Variants in FRMD4B observed in about 807,000 individuals in gnomAD.
FRMD4B encodes the protein FERM domain-containing protein 4B.
A neutral mutation model predicts 141.5 loss-of-function variants in FRMD4B; 74 were observed. That is an observed-to-expected ratio of 0.52 (90% CI 0.43 to 0.63). FRMD4B has a LOEUF of 0.63. Among genes scored for constraint, FRMD4B ranks in the 30% least tolerant of loss-of-function variants. The pLI, the probability that FRMD4B is intolerant of heterozygous loss-of-function variation, is 0.00. For missense variants in FRMD4B, 1,366 were observed against 1,253.4 expected (o/e 1.09, Z -1.36); for synonymous variants, 506 against 467.9 (o/e 1.08, Z -1.05).
At chr3:69,247,816 T>A (rs1045406178) in intron 7 of FRMD4B, among the ~76,000 whole-genome samples, 8 of 151,318 alleles carry the variant, frequency 5.3e-5, no homozygotes, top group Non-Finnish European at 1.2e-4. Context: ...ACCCAGCTAA[T>A]TTTTTTGTAT....
In FRMD4B at chr3:69,273,022, T is replaced by C. The variant is rs187124644; in HGVS notation, c.501+14730A>G. Among the ~76,000 whole-genome samples the C allele has an allele frequency of 7.5e-4, 114 of 152,350 alleles. 1 individual carries two copies. Among genetic ancestry groups the C allele is most frequent in the African/African-American group, 2.7e-3 (114 of 41,582 alleles). ...TCATTATTGACTTTTGGGGATTCAT[T>C]TTTCCAATTTTTCTTCCATTCTTTC... On this transcript the variant is annotated intron_variant, in intron 5 of 22. Coordinates refer to ENST00000398540, the MANE Select transcript of FRMD4B (RefSeq NM_015123.3).
chr3:69,494,020 G>C (rs146067438), intron 1 of FRMD4B, among the ~76,000 whole-genome samples: 2 of 152,284 alleles, frequency 1.3e-5, no homozygotes, highest in Non-Finnish European at 1.5e-5. Context: ...GGGACTACAG[G>C]TGTAAGCCAC....
chr3:69,379,341 C>A (rs1249864748), intron 1 of FRMD4B, among the ~76,000 whole-genome samples: 1 of 152,166 alleles, frequency 6.6e-6, no homozygotes, highest in African/African-American at 2.4e-5. Flanking sequence ...TGCGGTGGCA[C>A]AATCTCAGCT....
chr3:69,485,101 T>C (rs1376191961), intron 1 of FRMD4B, among the ~76,000 whole-genome samples: 1 of 151,594 alleles, frequency 6.6e-6, no homozygotes, highest in Non-Finnish European at 1.5e-5. Context: ...CCCCTCAACT[T>C]CCCCTCCCCT....
chr3:69,410,731 ATATATATATATATATAT>A (rs1559519823), intron 2 of FRMD4B, among the ~76,000 whole-genome samples: 1,792 of 81,456 alleles, frequency 0.022, 61 homozygotes, highest in African/African-American at 0.051. Flanking sequence ...AAATAAATAT[ATATATATATATATATAT>A]ATATATATAT....
chr3:69,408,129 C>G (rs1272912169), intron 2 of FRMD4B, among the ~76,000 whole-genome samples: 1 of 152,152 alleles, frequency 6.6e-6, no homozygotes, highest in Non-Finnish European at 1.5e-5. Context: ...AGGCCATGGC[C>G]AACCCCAATC....
chr3:69,389,126 C>CGGGTTCAA (rs1704330420), upstream of FRMD4B, among the ~76,000 whole-genome samples: 1 of 151,556 alleles, frequency 6.6e-6, no homozygotes, highest in African/African-American at 2.4e-5. Context: ...CTCCGCCTCC[C>CGGGTTCAA]GGGTTCAAGT....
Position 69,541,745 on chromosome 3 carries a change from C to G in FRMD4B, c.-129+461G>C, listed in dbSNP as rs924200207. On this transcript the variant is annotated intron_variant, in intron 1 of 5. Coordinates refer to the FRMD4B transcript ENST00000459638. ...ATCTGAAACACCTATTTGAAAAGGG[C>G]AGCCAAACGAAACCCTTAGTGTCCT... 1.6e-4 allele frequency among the ~76,000 whole-genome samples: 25 copies of G among 152,188 alleles called. No homozygotes were observed. The East Asian group carries it at 2.9e-3, about 18-fold the overall frequency.
At position 69,169,320 on chromosome 3, in the gene FRMD4B, C is replaced by G. The variant is rs577829777; in HGVS notation, c.*2541G>C. ...GTTTTTCAAAAGAGACGAAGAAAAC[C>G]GTGCAGTAGGATTGCTGAACTTCCA... On this transcript the variant is annotated 3_prime_UTR_variant, in exon 23 of 23. Coordinates refer to ENST00000398540, the MANE Select transcript of FRMD4B (RefSeq NM_015123.3). Among the ~76,000 whole-genome samples, 1 of 149,192 alleles carries G rather than the reference C, an allele frequency of 6.7e-6. No individual in the cohort carries two copies. Among genetic ancestry groups the G allele is most frequent in the Admixed American group, 6.7e-5 (1 of 14,976 alleles).
chr3:69,469,242 A>C (rs998603781), intron 1 of FRMD4B, among the ~76,000 whole-genome samples: 1 of 152,232 alleles, frequency 6.6e-6, no homozygotes, highest in Non-Finnish European at 1.5e-5. Flanking sequence ...ACATAGCTAC[A>C]GTGGTCATGA....
rs78755279 is a variant in FRMD4B at position 69,198,701 on chromosome 3, C to G, written c.950G>C (p.Arg317Pro). The change falls in exon 12 of 23, where the codon CGA becomes CCA. Residue 317 changes from arginine to proline, a missense_variant. Transcript: ENST00000398540. ...GAGAAACGTCTTTGATCCTCACCTT[C>G]GTGGATCATGAACTTCAACAGCAAA... Reference protein sequence around the residue: ...KKFAVEVHDPRRISVSRRTFG... With the variant: ...KKFAVEVHDPPRISVSRRTFG... 2.7e-6 allele frequency: 4 copies of G among 1,509,428 alleles called. No individual in the cohort carries two copies. The East Asian group carries it at 9.2e-5, about 35-fold the overall frequency. 93.5% of individuals were successfully genotyped at this position (1,509,428 alleles called of 1,614,324 possible). A position where few individuals can be genotyped will look rare whatever the true frequency, so the allele number is the denominator to read the frequency against.
chr3:69,348,649 C>T (rs1218321917), intron 1 of FRMD4B, among the ~76,000 whole-genome samples: 4 of 152,190 alleles, frequency 2.6e-5, no homozygotes, highest in Non-Finnish European at 4.4e-5. Flanking sequence ...ATCAAGTGGG[C>T]TTCATCCCCG....
intron 1 of FRMD4B, among the ~76,000 whole-genome samples, chr3:69,345,258 T>C (rs1702895218): frequency 6.6e-6 from 1 of 152,140 alleles, no homozygotes; most frequent in African/African-American, 2.4e-5. Context: ...CAGTCTGAGA[T>C]CGAACTGCAA....
intron 2 of FRMD4B, among the ~76,000 whole-genome samples, chr3:69,410,494 G>A (rs1021030443): frequency 5.3e-5 from 8 of 151,860 alleles, no homozygotes; most frequent in Non-Finnish European, 1.0e-4. Context: ...GAACGTGTAT[G>A]TAGTTTGCAA....
chr3:69,216,494 T>C (rs1447100465), intron 10 of FRMD4B, 145 bp from the exon 11 acceptor site: 3 of 564,642 alleles, frequency 5.3e-6, no homozygotes, highest in East Asian at 6.2e-5. Context: ...TGCAGTGGCA[T>C]GATCTCGGCT....
At chr3:69,510,987 G>T (rs1361511240) in intron 1 of FRMD4B, among the ~76,000 whole-genome samples, 1 of 152,074 alleles carries the variant, frequency 6.6e-6, no homozygotes, top group African/African-American at 2.4e-5. Flanking sequence ...ATTTACATGT[G>T]GGGTCATTTA....
At chr3:69,535,145 G>T (rs1701065447) in intron 1 of FRMD4B, among the ~76,000 whole-genome samples, 1 of 152,212 alleles carries the variant, frequency 6.6e-6, no homozygotes, top group Admixed American at 6.5e-5. Context: ...AAGTCACTTG[G>T]TCAAAGCACA....
At position 69,201,149 on chromosome 3, in the gene FRMD4B, A is replaced by G. The variant is rs576671919; in HGVS notation, c.877-2375T>C. 2.1e-3 allele frequency among the ~76,000 whole-genome samples: 321 copies of G among 152,300 alleles called. 2 individuals are homozygous for G. The highest frequency in any genetic ancestry group is 7.3e-3 in the African/African-American group (304 of 41,574). ...TGGGTTTAAAGCATGAAAGGCAGAG[A>G]GCAGTTCATTCCCCTGCCTGAAATC... On this transcript the variant is annotated intron_variant, in intron 11 of 22. Transcript: ENST00000398540.
At chr3:69,259,196 A>G (rs570299718) in intron 5 of FRMD4B, among the ~76,000 whole-genome samples, 24 of 152,320 alleles carry the variant, frequency 1.6e-4, no homozygotes, top group Non-Finnish European at 1.6e-4. Flanking sequence ...GGAGTAGGCA[A>G]CCTAGATTCC....
Sources: allele counts gnomAD v4.1 joint callset (sites outside exome capture counted in the v4.1 genomes callset), GRCh38; gene constraint gnomAD v4.1.1; transcripts MANE v1.5; gene names NCBI Gene and HGNC (gene_info 2026-07-23, HGNC 2026-07-21).